The following PPP3CA variants were observed in gnomAD, a reference collection of about 807,000 sequenced individuals.
The protein encoded by PPP3CA is CAM-PRP catalytic subunit.
A neutral mutation model predicts 66.5 loss-of-function variants in PPP3CA; 14 were observed. That is an observed-to-expected ratio of 0.21 (90% confidence interval 0.14 to 0.33). The LOEUF (loss-of-function observed/expected upper bound fraction) is 0.33, where lower values mean the gene tolerates loss of function less well. PPP3CA is among the 10% of genes least tolerant of loss of function. The pLI is 1.00. For synonymous variants in PPP3CA, 232 were observed against 226.2 expected (o/e 1.03, Z -0.23); for missense variants, 317 against 639.5 (o/e 0.50, Z 5.44).
intron 1 of PPP3CA, among the ~76,000 whole-genome samples, chr4:101,340,288 AG>A (rs1729772717): frequency 6.6e-6 from 1 of 152,206 alleles, no homozygotes; most frequent in South Asian, 2.1e-4. Context: ...GTGAGACAAA[AG>A]CATGGATAAG....
In PPP3CA at chr4:101,238,479, C is replaced by T. The variant is rs183345139; in HGVS notation, c.59-42363G>A. The stretch of plus-strand genomic sequence containing the variant: ...TTAGAATAACATTATCTTCATCATA[C>T]AAAGCTGATTAAAAAAATGGAATAG... On this transcript the variant is annotated intron_variant, in intron 1 of 13. Coordinates refer to ENST00000394854, the MANE Select transcript of PPP3CA (RefSeq NM_000944.5). Among the ~76,000 whole-genome samples the T allele has an allele frequency of 1.7e-4, 25 of 151,112 alleles. No homozygotes were observed. The East Asian group carries it at 4.9e-3, about 30-fold the overall frequency.
intron 2 of PPP3CA, 130 bp downstream of exon 2, chr4:101,195,786 A>ATAT (rs1724770353): frequency 2.9e-6 from 2 of 701,594 alleles, no homozygotes; most frequent in East Asian, 5.4e-5. Flanking sequence ...ACTCTAATGT[A>ATAT]TAGATTCAAC....
chr4:101,107,336 A>G (rs1440159262), intron 3 of PPP3CA, among the ~76,000 whole-genome samples: 1 of 152,206 alleles, frequency 6.6e-6, no homozygotes, highest in African/African-American at 2.4e-5. Flanking sequence ...GATTCTAAAC[A>G]GATTTTTATG....
At chr4:101,240,276 T>C (rs943363323) in intron 1 of PPP3CA, among the ~76,000 whole-genome samples, 13 of 152,092 alleles carry the variant, frequency 8.5e-5, no homozygotes, top group African/African-American at 3.1e-4. Context: ...CCAGAGGACA[T>C]CATTACACAA....
At chr4:101,334,087 CAGG>C (rs1248827639) in intron 1 of PPP3CA, among the ~76,000 whole-genome samples, 1 of 151,750 alleles carries the variant, frequency 6.6e-6, no homozygotes, top group East Asian at 1.9e-4. Context: ...ACTTACCGAG[CAGG>C]AGATTATATC....
At chr4:101,285,947 A>G (rs1164487841) in intron 1 of PPP3CA, among the ~76,000 whole-genome samples, 2 of 152,210 alleles carry the variant, frequency 1.3e-5, no homozygotes, top group Non-Finnish European at 2.9e-5. Flanking sequence ...GCAAAAGCAC[A>G]TATACTTTAA....
At chr4:101,197,737 T>C (rs1165191067) in intron 1 of PPP3CA, among the ~76,000 whole-genome samples, 1 of 152,202 alleles carries the variant, frequency 6.6e-6, no homozygotes, top group Non-Finnish European at 1.5e-5. Flanking sequence ...CATGTGTTTA[T>C]ATATAAACTT....
rs982118723 is a variant in PPP3CA, at chr4:101,178,261, T to C, written c.259+17655A>G. On this transcript the variant is annotated intron_variant, in intron 2 of 13. Coordinates refer to ENST00000394854, the MANE Select transcript of PPP3CA (RefSeq NM_000944.5). ...CATTACACATAAAATGCAGTTGTTATGTGAAAGAATCTAGAACACAAGCAT... is the reference window on the plus strand; with the variant it reads ...CATTACACATAAAATGCAGTTGTTACGTGAAAGAATCTAGAACACAAGCAT... Among the ~76,000 whole-genome samples, 11 of 152,180 alleles carry C rather than the reference T, an allele frequency of 7.2e-5. No homozygotes were observed. In the Middle Eastern group the frequency reaches 0.01, roughly 141 times the overall value.
At chr4:101,093,711 A>G (rs1382728229) in intron 6 of PPP3CA, 65 bp downstream of exon 6, 1 of 1,437,370 alleles carries the variant, frequency 7.0e-7, no homozygotes, top group Non-Finnish European at 9.3e-7. Context: ...AATCAAACAC[A>G]TGGACTGATA....
intron 2 of PPP3CA, among the ~76,000 whole-genome samples, chr4:101,152,096 G>A (rs764362876): frequency 2.0e-5 from 3 of 152,060 alleles, no homozygotes; most frequent in African/African-American, 4.8e-5. Flanking sequence ...AATTTTTTCC[G>A]AATATTTGAA....
intron 10 of PPP3CA, among the ~76,000 whole-genome samples, chr4:101,048,509 CAAAAAAAA>C (rs59988569): frequency 1.5e-5 from 1 of 66,350 alleles, no homozygotes; most frequent in African/African-American, 5.3e-5. Context: ...TTTCTCTCAC[CAAAAAAAA>C]AAAAAAAAAA....
intron 2 of PPP3CA, among the ~76,000 whole-genome samples, chr4:101,127,848 T>A (rs904973975): frequency 1.3e-5 from 2 of 150,748 alleles, no homozygotes; most frequent in Non-Finnish European, 3.0e-5. Context: ...TCTGTAACCA[T>A]AGGAGGTGAG....
At chr4:101,233,648 GATAAA>G (rs1052672231) in intron 1 of PPP3CA, among the ~76,000 whole-genome samples, 21 of 150,922 alleles carry the variant, frequency 1.4e-4, no homozygotes, top group African/African-American at 5.1e-4. Context: ...CACAAAAAAA[GATAAA>G]ATGAAATAAA....
At chr4:101,187,027 A>G (rs886295051) in intron 2 of PPP3CA, among the ~76,000 whole-genome samples, 1 of 152,162 alleles carries the variant, frequency 6.6e-6, no homozygotes, top group African/African-American at 2.4e-5. Context: ...ATAGATAGAA[A>G]GCTGAGATTT....
chr4:101,162,243 CA>C (rs1723538475), intron 2 of PPP3CA, among the ~76,000 whole-genome samples: 1 of 145,258 alleles, frequency 6.9e-6, no homozygotes, highest in African/African-American at 2.6e-5. Context: ...CTGGCCAAAA[CA>C]AAAAAAGGCC....
chr4:101,301,083 C>T (rs1254670185), intron 1 of PPP3CA, among the ~76,000 whole-genome samples: 2 of 152,082 alleles, frequency 1.3e-5, no homozygotes, highest in African/African-American at 2.4e-5. Flanking sequence ...CAAATGGAAT[C>T]ATCTCAAACA....
At chr4:101,287,406 C>T (rs542940232) in intron 1 of PPP3CA, among the ~76,000 whole-genome samples, 4 of 152,252 alleles carry the variant, frequency 2.6e-5, no homozygotes, top group Non-Finnish European at 4.4e-5. Context: ...AATTAAAAGC[C>T]TTTAGAGAGA....
chr4:101,070,861 C>A (rs915688141), intron 8 of PPP3CA, among the ~76,000 whole-genome samples: 14 of 152,138 alleles, frequency 9.2e-5, no homozygotes, highest in African/African-American at 3.4e-4. Flanking sequence ...TGAATCATTT[C>A]TAACATTACA....
chr4:101,181,411 G>A (rs1482380370), intron 2 of PPP3CA, among the ~76,000 whole-genome samples: 1 of 151,762 alleles, frequency 6.6e-6, no homozygotes, highest in Non-Finnish European at 1.5e-5. Flanking sequence ...ACATAACAAA[G>A]CTCAAATAAA....
Sources: gnomAD v4.1 joint callset for allele counts (sites outside exome capture counted in the v4.1 genomes callset) on GRCh38, gnomAD v4.1.1 for gene constraint, MANE v1.5 for transcripts, NCBI Gene and HGNC (gene_info 2026-07-23, HGNC 2026-07-21) for gene names.